The following ESR1 variants were observed in gnomAD, a reference collection of about 807,000 sequenced individuals.
The protein encoded by ESR1 is estrogen receptor 1.
Under a neutral mutation model 52.7 loss-of-function variants are expected in ESR1, and 12 were observed. That is an observed-to-expected ratio of 0.23 (90% confidence interval 0.15 to 0.37). ESR1 has a LOEUF of 0.37. Among genes scored for constraint, ESR1 ranks in the 10% least tolerant of loss-of-function variants. The pLI is 1.00. For missense variants in ESR1, 584 were observed against 779.7 expected (o/e 0.75, Z 2.99); for synonymous variants, 305 against 316.8 (o/e 0.96, Z 0.39).
In ESR1 at chr6:151,853,526, G is replaced by GC. The variant is rs202188665; in HGVS notation, c.643+10740dup. Among the ~76,000 whole-genome samples, 52 of 152,158 alleles carry GC rather than the reference G, an allele frequency of 3.4e-4. No individual in the cohort carries two copies. In the East Asian group the frequency reaches 9.3e-3, roughly 27 times the overall value. ...GTTCTTCTTTTTTCCTCTCCCTTTGGCTAAGTCATCTTTATCTTGGAGATA... is the reference window on the plus strand; with the variant it reads ...GTTCTTCTTTTTTCCTCTCCCTTTGGCCTAAGTCATCTTTATCTTGGAGATA... On this transcript the variant is annotated intron_variant, in intron 2 of 7. Transcript: ENST00000206249.
intron 1 of ESR1, among the ~76,000 whole-genome samples, chr6:151,692,689 A>G (rs1779040410): frequency 6.6e-6 from 1 of 152,192 alleles, no homozygotes; most frequent in South Asian, 2.1e-4. Context: ...TGCACTGTAC[A>G]GGTAAGAGTG....
intron 2 of ESR1, among the ~76,000 whole-genome samples, chr6:151,782,412 A>G (rs1322932130): frequency 6.6e-6 from 1 of 152,208 alleles, no homozygotes; most frequent in East Asian, 1.9e-4. Context: ...AATGTTAGAT[A>G]AAGATTTATT....
At chr6:151,664,665 G>T (rs966411763) in intron 1 of ESR1, among the ~76,000 whole-genome samples, 18 of 152,160 alleles carry the variant, frequency 1.2e-4, no homozygotes, top group African/African-American at 4.1e-4. Flanking sequence ...TCAGCCCAGA[G>T]TGCACTGTTT....
At chr6:152,073,414 G>A (rs1270105435) in intron 6 of ESR1, among the ~76,000 whole-genome samples, 1 of 152,160 alleles carries the variant, frequency 6.6e-6, no homozygotes, top group Non-Finnish European at 1.5e-5. Flanking sequence ...ATACAGAAAA[G>A]CCACCAAGCA....
intron 2 of ESR1, among the ~76,000 whole-genome samples, chr6:151,790,590 T>A (rs898799700): frequency 6.6e-6 from 1 of 152,002 alleles, no homozygotes; most frequent in Admixed American, 6.5e-5. Context: ...CTGCTTTTTT[T>A]TTTTTTAATC....
Position 152,100,170 on chromosome 6 carries a change from G to T in ESR1, c.*1204G>T. 2.5e-6 allele frequency: 1 copy of T among 398,250 alleles called. No individual in the cohort carries two copies. The highest frequency in any genetic ancestry group is 2.1e-5 in the African/African-American group (1 of 48,740). The allele number at this position is 398,250 out of a possible 1,614,324, so 24.7% of individuals were successfully genotyped here. Reference sequence around the variant, plus strand: ...TTTGGGGGTGCCCTGGGATCCCTGGGGTAGTCCAGCTCTTCTTCATTTCCC... The same window carrying T: ...TTTGGGGGTGCCCTGGGATCCCTGGTGTAGTCCAGCTCTTCTTCATTTCCC... On this transcript the variant is annotated 3_prime_UTR_variant, in exon 8 of 8. Transcript: ENST00000206249.
intron 6 of ESR1, among the ~76,000 whole-genome samples, chr6:152,075,427 C>A (rs1343168141): frequency 6.6e-6 from 1 of 152,070 alleles, no homozygotes; most frequent in Non-Finnish European, 1.5e-5. Context: ...ATGAGATAAA[C>A]CTGTTATAAA....
chr6:151,877,306 C>T lies in ESR1; in HGVS notation c.644-3349C>T, dbSNP rs548549894. Among the ~76,000 whole-genome samples, 5 of 152,102 alleles carry T rather than the reference C, an allele frequency of 3.3e-5. No homozygotes were observed. In the South Asian group the frequency reaches 1.0e-3, roughly 32 times the overall value. On this transcript the variant is annotated intron_variant, in intron 2 of 7. Transcript: ENST00000206249. ...TAACACATATTGACCAAGTTACACT[C>T]ATTAAGGAAAAAAAACTACTTTGTT...
intron 2 of ESR1, among the ~76,000 whole-genome samples, chr6:151,858,426 C>A (rs1788271036): frequency 6.6e-6 from 1 of 151,834 alleles, no homozygotes; most frequent in Non-Finnish European, 1.5e-5. Context: ...ATTGCAGTTG[C>A]ACATATACTA....
chr6:151,818,705 C>T (rs1181842646), intron 1 of ESR1, among the ~76,000 whole-genome samples: 3 of 152,042 alleles, frequency 2.0e-5, no homozygotes, highest in Admixed American at 1.3e-4. Context: ...TCTCTTATTG[C>T]TGTTAGGAGT....
intron 1 of ESR1, among the ~76,000 whole-genome samples, chr6:151,671,923 T>C (rs895441238): frequency 1.3e-5 from 2 of 152,132 alleles, no homozygotes; most frequent in African/African-American, 4.8e-5. Flanking sequence ...ACCCAGGAGA[T>C]GGAGGTTGCA....
intron 3 of ESR1, among the ~76,000 whole-genome samples, chr6:151,899,416 A>T (rs1236627186): frequency 8.8e-6 from 1 of 113,880 alleles, no homozygotes; most frequent in Non-Finnish European, 1.8e-5. Context: ...ACTTCCCAGT[A>T]GGGGCGGCTG....
downstream of ESR1, among the ~76,000 whole-genome samples, chr6:152,106,479 T>C (rs2051068700): frequency 6.6e-6 from 1 of 152,234 alleles, no homozygotes; most frequent in Non-Finnish European, 1.5e-5. Flanking sequence ...TTTGTTTATC[T>C]GGTAATATAT....
intron 2 of ESR1, among the ~76,000 whole-genome samples, chr6:151,749,523 C>T (rs1042603874): frequency 2.0e-5 from 3 of 152,182 alleles, no homozygotes; most frequent in South Asian, 2.1e-4. Flanking sequence ...ACTGATTCCT[C>T]TCACCTAACT....
In ESR1 at chr6:151,818,855, T is replaced by A. The variant is rs369739724; in HGVS notation, c.452+10491T>A. Among the ~76,000 whole-genome samples, 19 of 151,998 alleles carry A rather than the reference T, an allele frequency of 1.3e-4. 1 individual carries two copies. In the South Asian group the frequency reaches 3.7e-3, roughly 30 times the overall value. ...TATACCTGGTATACATATATATATA[T>A]AATATACATATATCATATATACTCC... On this transcript the variant is annotated intron_variant, in intron 1 of 7. Coordinates refer to ENST00000206249, the MANE Select transcript of ESR1 (RefSeq NM_000125.4).
chr6:151,736,375 G>GGTTTTTTTTTTTTTTTTTTTTTTT (rs1554247186), intron 2 of ESR1, among the ~76,000 whole-genome samples: 3 of 112,742 alleles, frequency 2.7e-5, no homozygotes, highest in African/African-American at 1.1e-4. Context: ...TCCAGGTAGT[G>GGTTTTTTTTTTTTTTTTTTTTTTT]TTTTTTTTTT....
chr6:151,968,260 A>G (rs930083464), intron 4 of ESR1, among the ~76,000 whole-genome samples: 7 of 152,214 alleles, frequency 4.6e-5, no homozygotes, highest in Non-Finnish European at 7.3e-5. Flanking sequence ...CACCTTACAC[A>G]AAAATTAACT....
chr6:152,098,669 T>C lies in ESR1; in HGVS notation c.1554-63T>C, dbSNP rs995504379. 27 of 1,341,036 alleles carry C rather than the reference T, an allele frequency of 2.0e-5. No individual in the cohort carries two copies. The highest frequency in any genetic ancestry group is 2.5e-5 in the Non-Finnish European group (24 of 942,586). 83.1% of individuals were successfully genotyped at this position (1,341,036 alleles called of 1,614,324 possible). A position where few individuals can be genotyped will look rare whatever the true frequency, so the allele number is the denominator to read the frequency against. ...TCCTCTTCCTTCCCCTTCTAGGGATTTCAGCACTCCTGGGGCTCGGGTTGG... is the reference window on the plus strand; with the variant it reads ...TCCTCTTCCTTCCCCTTCTAGGGATCTCAGCACTCCTGGGGCTCGGGTTGG... On this transcript the variant is annotated intron_variant, in intron 7 of 7. Transcript: ENST00000206249. This position sits in a 1 kb window ranked among gnomAD's most constrained non-coding sequence, Gnocchi z 5.1.
At chr6:151,883,102 T>C (rs1302656012) in intron 3 of ESR1, among the ~76,000 whole-genome samples, 2 of 152,096 alleles carry the variant, frequency 1.3e-5, no homozygotes, top group Non-Finnish European at 2.9e-5. Flanking sequence ...GCTGGAATAT[T>C]TGGTTTCTAG....
Sources: allele counts gnomAD v4.1 joint callset (sites outside exome capture counted in the v4.1 genomes callset), GRCh38; gene constraint gnomAD v4.1.1; non-coding constraint Gnocchi (gnomAD v3.1); transcripts MANE v1.5; gene names NCBI Gene and HGNC (gene_info 2026-07-23, HGNC 2026-07-21).